Variants in PICALM observed in about 807,000 individuals in gnomAD.
The protein encoded by PICALM is phosphatidylinositol-binding clathrin assembly protein.
In PICALM, 40 loss-of-function variants were observed where a neutral mutation model predicts 80.5. The ratio of observed to expected loss-of-function variants is 0.50; its 90% CI spans 0.39 to 0.65. PICALM has a LOEUF of 0.65. PICALM is among the 30% of genes least tolerant of loss of function. The pLI is 0.00. For synonymous variants in PICALM, 288 were observed against 260.3 expected, an observed-to-expected ratio of 1.11 and a Z score of -1.02; for missense variants, 676 against 778.9, an observed-to-expected ratio of 0.87 and a Z score of 1.57.
chr11:86,047,387 G>C (rs1249539087), intron 1 of PICALM, among the ~76,000 whole-genome samples: 2 of 152,218 alleles, frequency 1.3e-5, no homozygotes, highest in African/African-American at 4.8e-5. Flanking sequence ...TGAGGAAAGC[G>C]ACACATTATT....
chr11:86,029,302 C>T (rs2095707774), intron 2 of PICALM, among the ~76,000 whole-genome samples: 1 of 152,190 alleles, frequency 6.6e-6, no homozygotes, highest in Admixed American at 6.5e-5. Context: ...GTATTCCAAT[C>T]ACCACAGTAT....
At chr11:85,973,647 G>C (rs2094180250) in intron 19 of PICALM, among the ~76,000 whole-genome samples, 1 of 152,108 alleles carries the variant, frequency 6.6e-6, no homozygotes, top group South Asian at 2.1e-4. Context: ...ATCCCCCAAA[G>C]AGAAGAGGGG....
At chr11:85,968,547 G>A (rs1423177553) in intron 19 of PICALM, among the ~76,000 whole-genome samples, 1 of 152,174 alleles carries the variant, frequency 6.6e-6, no homozygotes, top group Non-Finnish European at 1.5e-5. Flanking sequence ...ATATCACAAT[G>A]ACTTTCAGAA....
At chr11:86,026,244 T>C (rs1171324352) in intron 3 of PICALM, 48 bp downstream of exon 3, 11 of 981,138 alleles carry the variant, frequency 1.1e-5, no homozygotes, top group South Asian at 2.7e-5. Context: ...GTAATCATCA[T>C]GTGGGTGTCA....
intron 19 of PICALM, among the ~76,000 whole-genome samples, chr11:85,963,748 T>C (rs2030692434): frequency 6.8e-6 from 1 of 147,818 alleles, no homozygotes; most frequent in South Asian, 2.2e-4. Context: ...TTTTTGGTTA[T>C]AGAGCGTGTT....
rs560867168 is a variant in PICALM, at chr11:86,051,530, G to A, written c.130+17121C>T. ...ACAAAAATTAGCCAGGCATGGTAGC[G>A]TGCACTCACAGTCCCAGCTACTTGG... On this transcript the variant is annotated intron_variant, in intron 1 of 19. Coordinates refer to ENST00000393346, the MANE Select transcript of PICALM (RefSeq NM_007166.4). Among the ~76,000 whole-genome samples, 13 of 152,172 alleles carry A rather than the reference G, an allele frequency of 8.5e-5. No homozygotes were observed. The East Asian group carries it at 1.4e-3, about 16-fold the overall frequency.
At chr11:85,966,051 G>A (rs112004607) in intron 19 of PICALM, among the ~76,000 whole-genome samples, 2,952 of 151,868 alleles carry the variant, frequency 0.019, 42 homozygotes, top group Non-Finnish European at 0.031. Flanking sequence ...TCTTGACCTC[G>A]TGATCTGCAC....
At chr11:85,985,850 T>C (rs1322817643) in intron 13 of PICALM, among the ~76,000 whole-genome samples, 2 of 152,210 alleles carry the variant, frequency 1.3e-5, no homozygotes, top group Admixed American at 1.3e-4. Context: ...AATTTAAAAT[T>C]AGGCCAATAT....
rs753581181 is a variant in PICALM, at chr11:86,026,249, G to A, written c.349+43C>T. On this transcript the variant is annotated intron_variant, in intron 3 of 19. Transcript: ENST00000393346. ...CTACTCTGGAGTAATCATCATGTGG[G>A]TGTCATTCTTTTGATTTTCTATAAT... The A allele has an allele frequency of 6.9e-6, 7 of 1,013,114 alleles. No individual in the cohort carries two copies. In the Admixed American group the frequency reaches 1.1e-4, roughly 16 times the overall value. 62.8% of individuals were successfully genotyped at this position (1,013,114 alleles called of 1,614,324 possible). A position where few individuals can be genotyped will look rare whatever the true frequency, so the allele number is the denominator to read the frequency against.
chr11:86,054,581 T>C (rs946475261), intron 1 of PICALM, among the ~76,000 whole-genome samples: 5 of 152,194 alleles, frequency 3.3e-5, no homozygotes, highest in African/African-American at 1.2e-4. Flanking sequence ...AAATCACCAT[T>C]CATCCTTAAA....
At chr11:85,974,142 AAC>A (rs2094198140) in intron 19 of PICALM, among the ~76,000 whole-genome samples, 1 of 152,246 alleles carries the variant, frequency 6.6e-6, no homozygotes, top group Non-Finnish European at 1.5e-5. Flanking sequence ...AAGCCTTAGA[AAC>A]ACGTCAAGAG....
At chr11:86,067,902 C>G (rs548935753) in intron 1 of PICALM, among the ~76,000 whole-genome samples, 2 of 151,610 alleles carry the variant, frequency 1.3e-5, no homozygotes, top group Non-Finnish European at 1.5e-5. Flanking sequence ...CCACCAGAGG[C>G]AAATAAAAAT....
chr11:86,069,177 C>T (rs1228819424), upstream of PICALM: 4 of 206,436 alleles, frequency 1.9e-5, no homozygotes, highest in Non-Finnish European at 4.0e-5. Context: ...CTTTCCCCTT[C>T]CCTTTCCTCT....
At chr11:86,040,294 T>C (rs764517487) in intron 1 of PICALM, among the ~76,000 whole-genome samples, 2 of 152,164 alleles carry the variant, frequency 1.3e-5, no homozygotes, top group East Asian at 1.9e-4. Flanking sequence ...GTGAGGTATG[T>C]ATGAGTGGCG....
At chr11:86,054,797 C>T (rs1263697151) in intron 1 of PICALM, among the ~76,000 whole-genome samples, 1 of 151,970 alleles carries the variant, frequency 6.6e-6, no homozygotes, top group African/African-American at 2.4e-5. Context: ...CTTTTTGAGA[C>T]GGAGTTTCAC....
chr11:86,013,464 T>C (rs1317464366), intron 5 of PICALM, among the ~76,000 whole-genome samples: 2 of 152,054 alleles, frequency 1.3e-5, no homozygotes, highest in African/African-American at 4.8e-5. Flanking sequence ...GTTAAACCTA[T>C]TGAAATAGGT....
intron 1 of PICALM, among the ~76,000 whole-genome samples, chr11:86,033,177 C>A (rs939309550): frequency 1.3e-5 from 2 of 152,164 alleles, no homozygotes; most frequent in Non-Finnish European, 2.9e-5. Flanking sequence ...GCCTATGGCA[C>A]TGAACATATT....
At chr11:86,068,322 G>A (rs1197510565) in intron 1 of PICALM, among the ~76,000 whole-genome samples, 1 of 152,242 alleles carries the variant, frequency 6.6e-6, no homozygotes, top group Non-Finnish European at 1.5e-5. Context: ...GAAGGCTGCA[G>A]TGGAGACGGG....
At chr11:86,015,779 G>A (rs1312390546) in intron 4 of PICALM, among the ~76,000 whole-genome samples, 1 of 152,180 alleles carries the variant, frequency 6.6e-6, no homozygotes, top group Admixed American at 6.5e-5. Flanking sequence ...GTTTGGTTGA[G>A]TAACAAGGCA....
Sources: gnomAD v4.1 joint callset for allele counts (sites outside exome capture counted in the v4.1 genomes callset) on GRCh38, gnomAD v4.1.1 for gene constraint, MANE v1.5 for transcripts, NCBI Gene and HGNC (gene_info 2026-07-23, HGNC 2026-07-21) for gene names.